The following ZDHHC11B variants were observed in gnomAD, a reference collection of about 807,000 sequenced individuals.
The protein encoded by ZDHHC11B is zDHHC palmitoyltransferase 11B (putative), also known as probable palmitoyltransferase ZDHHC11B.
Under a neutral mutation model 42.3 loss-of-function variants are expected in ZDHHC11B, and 17 were observed. The observed-to-expected ratio is 0.40, with a 90% confidence interval of 0.27 to 0.60. The LOEUF is 0.60. Among genes scored for constraint, ZDHHC11B ranks in the 20% least tolerant of loss-of-function variants. ZDHHC11B has a pLI of 0.41. For missense variants in ZDHHC11B, 262 were observed against 463.2 expected (o/e 0.57, Z 3.99); for synonymous variants, 123 against 193.5 (o/e 0.64, Z 3.02).
rs1217795999 is a variant in ZDHHC11B, at chr5:710,448, A to G, written c.*1842T>C. The G allele has an allele frequency of 1.9e-5, 3 of 154,742 alleles. No homozygotes were observed. The highest frequency in any genetic ancestry group is 7.2e-5 in the African/African-American group (3 of 41,488). The allele number at this position is 154,742 out of a possible 1,614,324, so 9.6% of individuals were successfully genotyped here. On this transcript the variant is annotated 3_prime_UTR_variant, in exon 14 of 14. Transcript: ENST00000508859. The stretch of plus-strand genomic sequence containing the variant: ...TAAAACGCAGAGTTCATTAAAATAC[A>G]GAGGATGCCTCTGGTTCTCTGGTAT...
chr5:760,514 G>A (rs1392416025), intron 4 of ZDHHC11B, among the ~76,000 whole-genome samples: 1 of 151,666 alleles, frequency 6.6e-6, no homozygotes, highest in African/African-American at 2.4e-5. Context: ...CCAGAACTGT[G>A]AGACCAGATA....
chr5:720,743 A>G (rs1178873883), intron 12 of ZDHHC11B, among the ~76,000 whole-genome samples: 9 of 151,794 alleles, frequency 5.9e-5, no homozygotes, highest in East Asian at 1.9e-4. Context: ...ACTGTATAAA[A>G]ATGTAATCAA....
At chr5:784,600 G>C (rs957091699) in intron 1 of ZDHHC11B, among the ~76,000 whole-genome samples, 68 bp downstream of exon 1, 7 of 152,058 alleles carry the variant, frequency 4.6e-5, no homozygotes, top group Admixed American at 1.3e-4. Flanking sequence ...TGGGGCTGAC[G>C]GGCCCAGTCT....
At chr5:773,326 C>T (rs1579453103) in intron 1 of ZDHHC11B, among the ~76,000 whole-genome samples, 1 of 151,802 alleles carries the variant, frequency 6.6e-6, no homozygotes. Context: ...GACCCTCACA[C>T]CATTTCCCCC....
intron 10 of ZDHHC11B, among the ~76,000 whole-genome samples, chr5:734,322 G>A (rs1346246514): frequency 6.3e-5 from 7 of 110,876 alleles, no homozygotes; most frequent in African/African-American, 3.1e-4. Context: ...CACAGAACAG[G>A]TGACAACTCC....
chr5:743,921 C>CA, intron 9 of ZDHHC11B, among the ~76,000 whole-genome samples: 1 of 149,936 alleles, frequency 6.7e-6, no homozygotes, highest in Non-Finnish European at 1.5e-5. Context: ...GTGGTGTCAT[C>CA]ACCTGTGCCG....
At chr5:747,909 A>G (rs1745049219) in intron 8 of ZDHHC11B, 1 of 269,066 alleles carries the variant, frequency 3.7e-6, no homozygotes, top group South Asian at 8.8e-5. Flanking sequence ...AACATGACTG[A>G]CCGCCTACCG....
At chr5:777,505 C>A (rs1029235739) in intron 1 of ZDHHC11B, among the ~76,000 whole-genome samples, 2 of 151,874 alleles carry the variant, frequency 1.3e-5, no homozygotes, top group East Asian at 3.8e-4. Context: ...TTGCTAAGAG[C>A]AAAAGAACAA....
Position 710,530 on chromosome 5 carries a change from C to G in ZDHHC11B, c.*1760G>C, listed in dbSNP as rs1741277194. 1 of 150,438 alleles carries G rather than the reference C, an allele frequency of 6.6e-6. No homozygotes were observed. Among genetic ancestry groups the G allele is most frequent in the African/African-American group, 2.5e-5 (1 of 39,296 alleles). The allele number at this position is 150,438 out of a possible 1,614,324, so 9.3% of individuals were successfully genotyped here. ...TGGGCTAGACTGAAAAACTCAGAAT[C>G]CAGGTCTGGGGTTTCTCAGTACTAT... On this transcript the variant is annotated 3_prime_UTR_variant, in exon 14 of 14. Transcript: ENST00000508859.
Position 771,786 on chromosome 5 carries a change from C to T in ZDHHC11B, c.-229-2856G>A, listed in dbSNP as rs542893620. On this transcript the variant is annotated intron_variant, in intron 1 of 13. Transcript: ENST00000508859. ...AGAGAAAGAACCTTCTGGGATGCTT[C>T]AAACTCAGGGCTGCGTTCTGTGGTC... Among the ~76,000 whole-genome samples the T allele has an allele frequency of 3.3e-5, 5 of 149,714 alleles. No individual in the cohort carries two copies. In the South Asian group the frequency reaches 1.1e-3, roughly 32 times the overall value.
In ZDHHC11B at chr5:710,827, GTA is replaced by G. The variant is rs1329756115; in HGVS notation, c.*1461_*1462del. 1 of 133,252 alleles carries G rather than the reference GTA, an allele frequency of 7.5e-6. No individual in the cohort carries two copies. Among genetic ancestry groups the G allele is most frequent in the Non-Finnish European group, 1.6e-5 (1 of 64,238 alleles). The allele number at this position is 133,252 out of a possible 1,614,324, so 8.3% of individuals were successfully genotyped here. On this transcript the variant is annotated 3_prime_UTR_variant, in exon 14 of 14. Coordinates refer to ENST00000508859, the MANE Select transcript of ZDHHC11B (RefSeq NM_001351303.2). The stretch of plus-strand genomic sequence containing the variant: ...CCGAATACTGTGCTCCCATTTCCCA[GTA>G]CTGTGAGCTCCCATTTCCCAGTACT...
chr5:721,977 C>T (rs1327102703), intron 12 of ZDHHC11B, among the ~76,000 whole-genome samples: 2 of 151,622 alleles, frequency 1.3e-5, no homozygotes, highest in African/African-American at 2.4e-5. Flanking sequence ...GGGGAGAGGA[C>T]CTGCTCAATG....
chr5:769,459 A>C (rs868606708), intron 1 of ZDHHC11B, among the ~76,000 whole-genome samples: 370 of 149,574 alleles, frequency 2.5e-3, no homozygotes, highest in African/African-American at 8.8e-3. Context: ...GATTATATAG[A>C]TCAGCCCGTT....
chr5:728,295 T>G (rs1210202885), intron 12 of ZDHHC11B, among the ~76,000 whole-genome samples: 1 of 152,014 alleles, frequency 6.6e-6, no homozygotes, highest in Non-Finnish European at 1.5e-5. Flanking sequence ...TTGCATTGTT[T>G]AAACCTTTTG....
chr5:756,837 G>A (rs550842764), intron 4 of ZDHHC11B, among the ~76,000 whole-genome samples: 6 of 151,628 alleles, frequency 4.0e-5, no homozygotes, highest in East Asian at 1.9e-4. Flanking sequence ...CCCTCTCCCC[G>A]AGACTTGCTC....
chr5:713,174 C>T (rs1289134274), intron 13 of ZDHHC11B, among the ~76,000 whole-genome samples: 2 of 151,626 alleles, frequency 1.3e-5, no homozygotes, highest in Non-Finnish European at 2.9e-5. Flanking sequence ...ATTTTTTTCA[C>T]ATTTTGCATT....
At chr5:765,214 G>C (rs1735104305) in intron 4 of ZDHHC11B, among the ~76,000 whole-genome samples, 1 of 151,338 alleles carries the variant, frequency 6.6e-6, no homozygotes, top group Non-Finnish European at 1.5e-5. Flanking sequence ...TTTATGTCTA[G>C]CTAAGGGATT....
At chr5:725,941 A>G (rs1195583983) in intron 12 of ZDHHC11B, among the ~76,000 whole-genome samples, 1 of 152,024 alleles carries the variant, frequency 6.6e-6, no homozygotes, top group African/African-American at 2.4e-5. Context: ...AACAGCTCCA[A>G]CCTCCAGTGG....
intron 4 of ZDHHC11B, among the ~76,000 whole-genome samples, chr5:762,267 C>T (rs1734728201): frequency 6.6e-6 from 1 of 151,754 alleles, no homozygotes; most frequent in South Asian, 2.1e-4. Flanking sequence ...CATGCCAGCT[C>T]CAGATGGCCA....
Sources: allele counts gnomAD v4.1 joint callset (sites outside exome capture counted in the v4.1 genomes callset), GRCh38; gene constraint gnomAD v4.1.1; transcripts MANE v1.5; gene names NCBI Gene and HGNC (gene_info 2026-07-23, HGNC 2026-07-21).